Variants in FAM83B observed in about 807,000 individuals in gnomAD.
FAM83B encodes scaffolding CK1 anchoring protein B, also known as protein FAM83B.
Under a neutral mutation model 38.8 loss-of-function variants are expected in FAM83B, and 26 were observed. The ratio of observed to expected loss-of-function variants is 0.67; its 90% confidence interval spans 0.49 to 0.93. The LOEUF (loss-of-function observed/expected upper bound fraction) is 0.93, where lower values mean the gene tolerates loss of function less well. FAM83B is among the 40% of genes least tolerant of loss of function. FAM83B has a pLI of 0.00. For synonymous variants in FAM83B, 419 were observed against 423.1 expected (o/e 0.99, Z 0.12); for missense variants, 1,237 against 1,197.3 (o/e 1.03, Z -0.49).
At chr6:54,851,670 C>T (rs1172746014) in intron 1 of FAM83B, among the ~76,000 whole-genome samples, 6 of 116,540 alleles carry the variant, frequency 5.1e-5, no homozygotes, top group South Asian at 2.8e-4. Context: ...TTTTTTGAGA[C>T]GGAGTCTCGC....
At chr6:54,885,541 A>G (rs564003714) in intron 2 of FAM83B, among the ~76,000 whole-genome samples, 6 of 152,266 alleles carry the variant, frequency 3.9e-5, no homozygotes, top group African/African-American at 1.4e-4. Context: ...TTTTCTAGAT[A>G]TATTATCTGT....
At chr6:54,868,025 C>T (rs1052838889) in intron 1 of FAM83B, among the ~76,000 whole-genome samples, 1 of 152,004 alleles carries the variant, frequency 6.6e-6, no homozygotes, top group African/African-American at 2.4e-5. Context: ...CTTCAATAAA[C>T]CTTAGGAAAC....
At chr6:54,911,612 T>A (rs1772910139) in intron 2 of FAM83B, among the ~76,000 whole-genome samples, 1 of 152,120 alleles carries the variant, frequency 6.6e-6, no homozygotes, top group East Asian at 1.9e-4. Flanking sequence ...AGGTCAGTAA[T>A]AATAGCTTAA....
At chr6:54,877,458 A>G (rs967286286) in intron 2 of FAM83B, among the ~76,000 whole-genome samples, 2 of 152,194 alleles carry the variant, frequency 1.3e-5, no homozygotes, top group African/African-American at 4.8e-5. Flanking sequence ...CTGCTGTCTT[A>G]TAGTTGCTAC....
rs747332534 is a variant in FAM83B at position 54,941,800 on chromosome 6, T to G, written c.2829T>G (p.Ile943Met). Reference protein sequence around the residue: ...VYSRFEPFCKIESSIQPTSNM... With the variant: ...VYSRFEPFCKMESSIQPTSNM... ...GTCGTTTTGAGCCGTTTTGTAAGAT[T>G]GAGAGCTCTATTCAGCCAACAAGCA... is the stretch of plus-strand genomic sequence containing the variant. The change falls in exon 5 of 5, where the codon ATT becomes ATG. Residue 943 changes from isoleucine (I) to methionine (M), a missense_variant. Coordinates refer to ENST00000306858, the MANE Select transcript of FAM83B (RefSeq NM_001010872.3). 2.5e-6 allele frequency: 4 copies of G among 1,614,124 alleles called. No individual in the cohort carries two copies. In the South Asian group the frequency reaches 3.3e-5, roughly 13 times the overall value.
At chr6:54,903,960 C>A (rs2127582807) in intron 2 of FAM83B, among the ~76,000 whole-genome samples, 1 of 151,852 alleles carries the variant, frequency 6.6e-6, no homozygotes, top group Middle Eastern at 3.4e-3. Context: ...TTCATGGCAA[C>A]CCTTATCCAT....
At chr6:54,870,119 T>C in intron 1 of FAM83B, 68 bp from the exon 2 acceptor site, 1 of 673,402 alleles carries the variant, frequency 1.5e-6, no homozygotes. Context: ...TAATAGTTGA[T>C]ATGTATCATA....
At chr6:54,916,655 C>T (rs988117240) in intron 2 of FAM83B, among the ~76,000 whole-genome samples, 3 of 152,074 alleles carry the variant, frequency 2.0e-5, no homozygotes, top group Admixed American at 6.5e-5. Context: ...ATGTTTAAAA[C>T]GCATCTGGCT....
intron 4 of FAM83B, among the ~76,000 whole-genome samples, chr6:54,933,823 C>A (rs904064365): frequency 6.6e-6 from 1 of 152,140 alleles, no homozygotes; most frequent in Non-Finnish European, 1.5e-5. Flanking sequence ...AGAAGCCAGT[C>A]TCTTGGGCTG....
intron 3 of FAM83B, 60 bp from the exon 4 acceptor site, chr6:54,927,448 G>A: frequency 7.2e-7 from 1 of 1,384,254 alleles, no homozygotes; most frequent in Non-Finnish European, 9.6e-7. Context: ...ATGGATTTTG[G>A]TTTTCAAAAT....
rs1412793747 is a variant in FAM83B at position 54,941,580 on chromosome 6, C to T, written c.2609C>T (p.Pro870Leu). ...PPDENKRTPS[P>L]GPVESKFLER... is the part of the protein sequence containing the mutation. ...GATGAAAATAAAAGAACACCTTCTC[C>T]AGGTCCAGTTGAAAGCAAGTTCTTG... is the stretch of plus-strand genomic sequence containing the variant. The change falls in exon 5 of 5, where the codon CCA becomes CTA. Residue 870 changes from proline to leucine, a missense_variant. Pro to Leu is a moderately conservative substitution (Grantham distance 98). Coordinates refer to ENST00000306858, the MANE Select transcript of FAM83B (RefSeq NM_001010872.3). The T allele has an allele frequency of 2.5e-6, 4 of 1,614,066 alleles. No individual in the cohort carries two copies. Among genetic ancestry groups the T allele is most frequent in the South Asian group, 2.2e-5 (2 of 91,082 alleles).
At chr6:54,866,039 C>A (rs565948654) in intron 1 of FAM83B, among the ~76,000 whole-genome samples, 3 of 151,266 alleles carry the variant, frequency 2.0e-5, no homozygotes, top group East Asian at 3.9e-4. Flanking sequence ...CTTAAAATAA[C>A]CCAAGAAGAT....
chr6:54,895,793 T>G (rs1181105397), intron 2 of FAM83B, among the ~76,000 whole-genome samples: 1 of 151,982 alleles, frequency 6.6e-6, no homozygotes, highest in Non-Finnish European at 1.5e-5. Context: ...CAGGCTGGAG[T>G]GCAGTGGGGT....
chr6:54,940,060 TC>T lies in FAM83B; in HGVS notation c.1091del (p.Pro364LeufsTer17). 1 of 1,613,986 alleles carries T rather than the reference TC, an allele frequency of 6.2e-7. No individual in the cohort carries two copies. Among genetic ancestry groups the T allele is most frequent in the Non-Finnish European group, 8.5e-7 (1 of 1,179,962 alleles). ...GTCACGGATACAAACCTCATTTTGT[TC>T]CTAACTTTAATGGTCCAAACGCAAT... ...RSHGYKPHFV[P>X]NFNGPNAIRQ... On this transcript the variant is annotated frameshift_variant, in exon 5 of 5. Transcript: ENST00000306858. LOFTEE classifies it low-confidence loss of function (END_TRUNC).
intron 4 of FAM83B, among the ~76,000 whole-genome samples, chr6:54,930,084 A>C (rs2207025): frequency 0.64 from 97,341 of 151,704 alleles, 33,017 homozygotes; most frequent in East Asian, 0.89. Context: ...AATTGTATTT[A>C]CTACCTACTA....
intron 2 of FAM83B, among the ~76,000 whole-genome samples, chr6:54,926,008 T>C (rs1253302315): frequency 6.6e-6 from 1 of 152,170 alleles, no homozygotes; most frequent in East Asian, 1.9e-4. Flanking sequence ...TACTTTCCCC[T>C]GGAAATGCCT....
chr6:54,852,717 A>G (rs1332683568), intron 1 of FAM83B, among the ~76,000 whole-genome samples: 1 of 152,224 alleles, frequency 6.6e-6, no homozygotes, highest in Non-Finnish European at 1.5e-5. Context: ...TTGTGAAAGC[A>G]AAGGAAAAGT....
chr6:54,915,439 C>G (rs2127585670), intron 2 of FAM83B, among the ~76,000 whole-genome samples: 1 of 152,268 alleles, frequency 6.6e-6, no homozygotes, highest in Non-Finnish European at 1.5e-5. Flanking sequence ...TTTATTCCTG[C>G]TTTCGCCATC....
chr6:54,926,583 C>A, intron 3 of FAM83B, 48 bp downstream of exon 3: 2 of 1,404,960 alleles, frequency 1.4e-6, no homozygotes, highest in Non-Finnish European at 9.6e-7. Flanking sequence ...GTGTCATTTT[C>A]AACTCAGTCA....
Sources: gnomAD v4.1 joint callset for allele counts (sites outside exome capture counted in the v4.1 genomes callset) on GRCh38, gnomAD v4.1.1 for gene constraint, MANE v1.5 for transcripts, NCBI Gene and HGNC (gene_info 2026-07-23, HGNC 2026-07-21) for gene names.